MED13L: variants seen among roughly 807,000 people sequenced by gnomAD.
The protein encoded by MED13L is mediator complex subunit 13L, also known as mediator of RNA polymerase II transcription subunit 13-like.
Under a neutral mutation model 220.9 loss-of-function variants are expected in MED13L, and 7 were observed. The observed-to-expected ratio is 0.03, with a 90% confidence interval of 0.02 to 0.06. The LOEUF (loss-of-function observed/expected upper bound fraction) is 0.06, where lower values mean the gene tolerates loss of function less well. MED13L is among the 10% of genes least tolerant of loss of function. MED13L has a pLI of 1.00. For missense variants in MED13L, 1,965 were observed against 2,760.5 expected (o/e 0.71, Z 6.46); for synonymous variants, 1,011 against 1,015.2 (o/e 1.00, Z 0.08).
intron 4 of MED13L, among the ~76,000 whole-genome samples, chr12:116,073,502 C>A (rs1316852123): frequency 1.3e-5 from 2 of 152,094 alleles, no homozygotes; most frequent in African/African-American, 4.8e-5. Context: ...AGAACAAGAA[C>A]TAAATGAATG....
At chr12:116,154,936 C>T (rs576101285) in intron 2 of MED13L, among the ~76,000 whole-genome samples, 98 of 152,198 alleles carry the variant, frequency 6.4e-4, no homozygotes, top group Non-Finnish European at 1.0e-3. Flanking sequence ...AAGCAATTCT[C>T]CTACCTCAGC....
At chr12:116,171,721 T>C (rs1593126573) in intron 2 of MED13L, among the ~76,000 whole-genome samples, 1 of 152,314 alleles carries the variant, frequency 6.6e-6, no homozygotes, top group East Asian at 1.9e-4. Context: ...TTCTGTAACA[T>C]AGCCTCGATA....
chr12:115,982,822 G>A (rs1353546146), intron 21 of MED13L, among the ~76,000 whole-genome samples: 1 of 152,232 alleles, frequency 6.6e-6, no homozygotes, highest in African/African-American at 2.4e-5. Flanking sequence ...AAAATGGGAG[G>A]TATCTTTTTC....
intron 2 of MED13L, among the ~76,000 whole-genome samples, chr12:116,122,893 G>A (rs150208900): frequency 6.6e-6 from 1 of 152,202 alleles, no homozygotes; most frequent in Non-Finnish European, 1.5e-5. Context: ...ACTAAATTTC[G>A]AGATAAACTG....
intron 3 of MED13L, among the ~76,000 whole-genome samples, chr12:116,105,103 T>C (rs1211305211): frequency 6.6e-6 from 1 of 152,214 alleles, no homozygotes; most frequent in Non-Finnish European, 1.5e-5. Context: ...ATACTAAAAA[T>C]GCCAAATGAA....
intron 1 of MED13L, among the ~76,000 whole-genome samples, chr12:116,250,037 A>AG (rs1408995762): frequency 2.0e-5 from 3 of 147,702 alleles, no homozygotes; most frequent in African/African-American, 7.3e-5. Context: ...AAAAAAAAAA[A>AG]AAAAAAAAAA....
intron 2 of MED13L, among the ~76,000 whole-genome samples, chr12:116,220,884 C>T (rs1388834202): frequency 1.3e-5 from 2 of 152,092 alleles, no homozygotes; most frequent in African/African-American, 4.8e-5. Context: ...TGTGGTTCTG[C>T]ACTTTTAAAC....
intron 4 of MED13L, among the ~76,000 whole-genome samples, chr12:116,024,824 G>A (rs1482528755): frequency 7.0e-6 from 1 of 143,686 alleles, no homozygotes; most frequent in African/African-American, 2.6e-5. Context: ...TAGGGGTCTA[G>A]TGTCATTCCT....
chr12:116,053,588 A>T (rs1318861639), intron 4 of MED13L, among the ~76,000 whole-genome samples: 2 of 152,150 alleles, frequency 1.3e-5, no homozygotes, highest in African/African-American at 4.8e-5. Flanking sequence ...TCTCACAACA[A>T]CTCTAAGGTA....
chr12:116,124,105 CAGAGAGAGAGAGAAAGACGAG>C (rs1875332101), intron 2 of MED13L, among the ~76,000 whole-genome samples: 1 of 116,520 alleles, frequency 8.6e-6, no homozygotes, highest in African/African-American at 3.0e-5. Flanking sequence ...ATAACATCTG[CAGAGAGAGAGAGAAAGACGAG>C]AGAGAGAGAG....
At chr12:116,244,788 C>CA (rs1458549139) in intron 1 of MED13L, among the ~76,000 whole-genome samples, 2 of 152,028 alleles carry the variant, frequency 1.3e-5, no homozygotes, top group Non-Finnish European at 1.5e-5. Flanking sequence ...CTCAACTCTA[C>CA]AAAAAATTAA....
intron 3 of MED13L, among the ~76,000 whole-genome samples, chr12:116,100,249 A>G (rs748013156): frequency 2.6e-5 from 4 of 152,126 alleles, no homozygotes; most frequent in Non-Finnish European, 4.4e-5. Context: ...AGTAGCCTAT[A>G]TAGAGGCACA....
intron 15 of MED13L, 149 bp from the exon 16 acceptor site, chr12:115,996,830 T>C (rs965898020): frequency 9.6e-7 from 1 of 1,041,772 alleles, no homozygotes; most frequent in African/African-American, 1.6e-5. Flanking sequence ...AATGCAGAAA[T>C]GTTAAATCAA....
chr12:116,276,595 A>T, intron 1 of MED13L: 1 of 1,210,014 alleles, frequency 8.3e-7, no homozygotes, highest in South Asian at 1.4e-5. Flanking sequence ...AGGTGTCATT[A>T]TGGAATTTAA....
Position 116,007,407 on chromosome 12 carries a change from G to GGTAC in MED13L, c.2238+3_2238+4insGTAC. ...TGCTGGACTCTCTCTCTGTTAAATG[G>GGTAC]TACCTTATTCTTTTTCAGGGAATCT... On this transcript the variant is annotated splice_donor_region_variant and intron_variant, in intron 11 of 30. Transcript: ENST00000281928. 1 of 1,606,680 alleles carries GGTAC rather than the reference G, an allele frequency of 6.2e-7. No homozygotes were observed. Among genetic ancestry groups the GGTAC allele is most frequent in the Admixed American group, 1.7e-5 (1 of 60,006 alleles).
At chr12:116,072,733 TTAAC>T (rs1215410727) in intron 4 of MED13L, among the ~76,000 whole-genome samples, 1 of 152,188 alleles carries the variant, frequency 6.6e-6, no homozygotes, top group Non-Finnish European at 1.5e-5. Context: ...GTCAATAAAA[TTAAC>T]TGAGAGGCAG....
chr12:116,003,133 T>C (rs1334250010), intron 13 of MED13L, 31 bp from the exon 14 acceptor site: 2 of 1,576,656 alleles, frequency 1.3e-6, no homozygotes, highest in African/African-American at 1.4e-5. Flanking sequence ...TAAAACAGAG[T>C]GACGTGTATA....
At chr12:116,199,225 A>G (rs1192423920) in intron 2 of MED13L, among the ~76,000 whole-genome samples, 1 of 151,954 alleles carries the variant, frequency 6.6e-6, no homozygotes, top group Non-Finnish European at 1.5e-5. Flanking sequence ...TGCATGAGAG[A>G]GGTAGGCTAT....
chr12:116,263,144 T>C (rs1023439221), intron 1 of MED13L, among the ~76,000 whole-genome samples: 3 of 152,168 alleles, frequency 2.0e-5, no homozygotes, highest in East Asian at 1.9e-4. Context: ...CTGAAAATTT[T>C]TGAAGTACCT....
Sources: gnomAD v4.1 joint callset for allele counts (sites outside exome capture counted in the v4.1 genomes callset) on GRCh38, gnomAD v4.1.1 for gene constraint, MANE v1.5 for transcripts, NCBI Gene and HGNC (gene_info 2026-07-23, HGNC 2026-07-21) for gene names.